INPP4B: variants seen among roughly 807,000 people sequenced by gnomAD.
INPP4B encodes inositol polyphosphate 4-phosphatase type II.
Under a neutral mutation model 122.5 loss-of-function variants are expected in INPP4B, and 55 were observed. The ratio of observed to expected loss-of-function variants is 0.45; its 90% CI spans 0.36 to 0.56. The LOEUF (loss-of-function observed/expected upper bound fraction) is 0.56. INPP4B is among the 20% of genes least tolerant of loss of function. INPP4B has a pLI of 0.00. For synonymous variants in INPP4B, 403 were observed against 388.7 expected, an observed-to-expected ratio of 1.04 and a Z score of -0.43; for missense variants, 1,000 against 1,097.7, an observed-to-expected ratio of 0.91 and a Z score of 1.26.
At position 142,539,830 on chromosome 4, in the gene INPP4B, G is replaced by C. The variant is rs1259963912; in HGVS notation, c.-190-77104C>G. Among the ~76,000 whole-genome samples the C allele has an allele frequency of 2.0e-5, 3 of 151,934 alleles. 1 individual carries two copies. Among genetic ancestry groups the C allele is most frequent in the Admixed American group, 6.6e-5 (1 of 15,252 alleles). ...ATGGGCTATGTAATTATGATAAAAT[G>C]AATTAGCGTACTTTAGATGACTTTT... On this transcript the variant is annotated intron_variant, in intron 2 of 25. Coordinates refer to ENST00000262992, the MANE Select transcript of INPP4B (RefSeq NM_001101669.3).
intron 25 of INPP4B, among the ~76,000 whole-genome samples, chr4:142,050,562 AGGC>A (rs1753979752): frequency 6.6e-6 from 1 of 152,186 alleles, no homozygotes; most frequent in Admixed American, 6.6e-5. Flanking sequence ...CATTATATAC[AGGC>A]TTATAATGTA....
chr4:142,718,266 C>G (rs1764060425), intron 2 of INPP4B, among the ~76,000 whole-genome samples: 1 of 152,130 alleles, frequency 6.6e-6, no homozygotes, highest in Non-Finnish European at 1.5e-5. Context: ...AGCAAATGAA[C>G]ATGTTGAGAA....
intron 22 of INPP4B, among the ~76,000 whole-genome samples, chr4:142,110,880 G>A (rs1789677666): frequency 6.6e-6 from 1 of 152,096 alleles, no homozygotes; most frequent in Non-Finnish European, 1.5e-5. Flanking sequence ...TGAAAAGTCT[G>A]TAAATGGAAG....
intron 2 of INPP4B, among the ~76,000 whole-genome samples, chr4:142,644,404 T>A (rs1054936819): frequency 1.3e-5 from 2 of 151,906 alleles, no homozygotes; most frequent in African/African-American, 2.4e-5. Context: ...ATCTTTCAAA[T>A]TATGAGCCAA....
At chr4:142,670,332 A>G (rs1030336164) in intron 2 of INPP4B, among the ~76,000 whole-genome samples, 1 of 152,176 alleles carries the variant, frequency 6.6e-6, no homozygotes, top group Non-Finnish European at 1.5e-5. Context: ...CCAAAGAGGT[A>G]TCTACATTTC....
At chr4:142,184,411 TCCAC>T (rs1187187238) in intron 15 of INPP4B, among the ~76,000 whole-genome samples, 1 of 152,230 alleles carries the variant, frequency 6.6e-6, no homozygotes, top group Non-Finnish European at 1.5e-5. Context: ...TAAGACATTT[TCCAC>T]AAGTGTCTTT....
At chr4:142,214,022 G>A (rs1367526855) in intron 12 of INPP4B, among the ~76,000 whole-genome samples, 1 of 152,098 alleles carries the variant, frequency 6.6e-6, no homozygotes, top group Admixed American at 6.5e-5. Flanking sequence ...CAAATGTATG[G>A]AGCCAATGGA....
At chr4:142,235,731 T>C (rs1456800796) in intron 12 of INPP4B, among the ~76,000 whole-genome samples, 1 of 152,224 alleles carries the variant, frequency 6.6e-6, no homozygotes, top group Non-Finnish European at 1.5e-5. Context: ...ACCTGACATG[T>C]CATTATTTTA....
chr4:142,164,172 A>C (rs1313655626), intron 16 of INPP4B, among the ~76,000 whole-genome samples: 1 of 151,850 alleles, frequency 6.6e-6, no homozygotes, highest in Non-Finnish European at 1.5e-5. Context: ...AAACTACTAA[A>C]AATTACTTCT....
At chr4:142,316,576 T>G (rs1464016557) in intron 7 of INPP4B, among the ~76,000 whole-genome samples, 1 of 152,176 alleles carries the variant, frequency 6.6e-6, no homozygotes, top group Non-Finnish European at 1.5e-5. Context: ...ATATGTGTAC[T>G]ATTATATACA....
intron 11 of INPP4B, among the ~76,000 whole-genome samples, chr4:142,247,327 G>A (rs1561607056): frequency 1.3e-5 from 2 of 152,056 alleles, no homozygotes; most frequent in South Asian, 4.1e-4. Context: ...TTAGGGAGGA[G>A]TCCTCTTTTT....
At chr4:142,385,093 T>C (rs977815496) in intron 7 of INPP4B, among the ~76,000 whole-genome samples, 11 of 152,188 alleles carry the variant, frequency 7.2e-5, no homozygotes, top group African/African-American at 2.7e-4. Flanking sequence ...ATCCTTATGA[T>C]AGAACAATTT....
chr4:142,031,127 C>G (rs1225899645), intron 25 of INPP4B, among the ~76,000 whole-genome samples: 1 of 151,804 alleles, frequency 6.6e-6, no homozygotes, highest in Non-Finnish European at 1.5e-5. Flanking sequence ...TATGGCCAGT[C>G]TGAAATATAC....
chr4:142,119,815 AC>A (rs1795709419), intron 21 of INPP4B, among the ~76,000 whole-genome samples: 1 of 46,618 alleles, frequency 2.1e-5, no homozygotes, highest in Non-Finnish European at 8.6e-5. Context: ...ACACACACAC[AC>A]ACACACACAT....
chr4:142,787,466 C>A (rs967251031), intron 1 of INPP4B, among the ~76,000 whole-genome samples: 2 of 152,020 alleles, frequency 1.3e-5, no homozygotes, highest in African/African-American at 4.8e-5. Context: ...GATTGCCCAG[C>A]CTCTAGAACT....
chr4:142,128,782 C>G (rs1229303009), intron 18 of INPP4B, among the ~76,000 whole-genome samples: 1 of 152,086 alleles, frequency 6.6e-6, no homozygotes, highest in South Asian at 2.1e-4. Context: ...TGGGTGCCCC[C>G]CTCACCTCCT....
chr4:142,338,543 A>G (rs1777629687), intron 7 of INPP4B, among the ~76,000 whole-genome samples: 1 of 152,110 alleles, frequency 6.6e-6, no homozygotes, highest in Non-Finnish European at 1.5e-5. Context: ...ACTTTTAAAA[A>G]CAATAATATT....
intron 2 of INPP4B, among the ~76,000 whole-genome samples, chr4:142,489,912 C>T (rs1432723610): frequency 6.6e-6 from 1 of 152,066 alleles, no homozygotes; most frequent in African/African-American, 2.4e-5. Context: ...TTCACTTTGT[C>T]TGATAGTAAA....
chr4:142,149,195 TG>T (rs1812444895), intron 17 of INPP4B, among the ~76,000 whole-genome samples: 1 of 152,172 alleles, frequency 6.6e-6, no homozygotes, highest in Admixed American at 6.5e-5. Flanking sequence ...TCTTGTTTTA[TG>T]GCACAGGGCC....
Sources: gnomAD v4.1 joint callset for allele counts (sites outside exome capture counted in the v4.1 genomes callset) on GRCh38, gnomAD v4.1.1 for gene constraint, MANE v1.5 for transcripts, NCBI Gene and HGNC (gene_info 2026-07-23, HGNC 2026-07-21) for gene names.